Variants in ABCB1 observed in about 807,000 individuals in gnomAD.
ABCB1 encodes ATP binding cassette subfamily B member 1.
ABCB1 carries 69 observed loss-of-function variants against 142.0 expected under a neutral mutation model. The observed-to-expected ratio is 0.49, with a 90% CI of 0.40 to 0.59. The LOEUF (loss-of-function observed/expected upper bound fraction) is 0.59, where lower values mean the gene tolerates loss of function less well. Among genes scored for constraint, ABCB1 ranks in the 20% least tolerant of loss-of-function variants. ABCB1 has a pLI of 0.00. For missense variants in ABCB1, 1,326 were observed against 1,554.7 expected (o/e 0.85, Z 2.47); for synonymous variants, 532 against 539.2 (o/e 0.99, Z 0.18).
intron 21 of ABCB1, among the ~76,000 whole-genome samples, chr7:87,526,893 T>C (rs1170138609): frequency 6.6e-6 from 1 of 152,202 alleles, no homozygotes; most frequent in Non-Finnish European, 1.5e-5. Flanking sequence ...CTAAACCGGA[T>C]TGCATTTATA....
At chr7:87,504,956 T>C (rs981590906) in intron 27 of ABCB1, among the ~76,000 whole-genome samples, 1 of 152,046 alleles carries the variant, frequency 6.6e-6, no homozygotes, top group Non-Finnish European at 1.5e-5. Flanking sequence ...GCAGCAGTTA[T>C]CTATCCCTAA....
chr7:87,626,654 T>C (rs549557246), intron 1 of ABCB1, among the ~76,000 whole-genome samples: 1 of 15,856 alleles, frequency 6.3e-5, no homozygotes, highest in Non-Finnish European at 1.1e-4. Flanking sequence ...ATGTGTCATA[T>C]ATATGTGTCA....
chr7:87,703,071 A>G (rs1028416134), intron 1 of ABCB1, among the ~76,000 whole-genome samples: 4 of 152,210 alleles, frequency 2.6e-5, no homozygotes, highest in Non-Finnish European at 4.4e-5. Flanking sequence ...ACAGAATGAA[A>G]CATTAAGTAG....
intron 1 of ABCB1, among the ~76,000 whole-genome samples, chr7:87,622,255 C>G (rs1820250764): frequency 2.0e-5 from 3 of 152,016 alleles, no homozygotes. Context: ...ATAATGAAGA[C>G]TAATATTTTT....
chr7:87,643,250 A>C (rs1328758762), intron 1 of ABCB1, among the ~76,000 whole-genome samples: 2 of 152,008 alleles, frequency 1.3e-5, no homozygotes, highest in Non-Finnish European at 2.9e-5. Context: ...ACATTGCGTA[A>C]AATTTTTTGA....
chr7:87,546,350 A>G (rs999096155), intron 14 of ABCB1, among the ~76,000 whole-genome samples: 1 of 152,138 alleles, frequency 6.6e-6, no homozygotes, highest in South Asian at 2.1e-4. Flanking sequence ...GCACTTTGGG[A>G]GGCCAAGGTG....
intron 26 of ABCB1, among the ~76,000 whole-genome samples, chr7:87,506,686 T>C (rs1814766633): frequency 6.6e-6 from 1 of 152,208 alleles, no homozygotes; most frequent in South Asian, 2.1e-4. Flanking sequence ...CTATTCACTA[T>C]GATGATAGGG....
At chr7:87,527,829 T>C (rs1314554845) in intron 21 of ABCB1, among the ~76,000 whole-genome samples, 3 of 152,154 alleles carry the variant, frequency 2.0e-5, no homozygotes. Flanking sequence ...GTACAGTACA[T>C]ACTATGGTTT....
intron 1 of ABCB1, among the ~76,000 whole-genome samples, chr7:87,668,836 A>G (rs1446515104): frequency 6.6e-6 from 1 of 152,118 alleles, no homozygotes; most frequent in Non-Finnish European, 1.5e-5. Flanking sequence ...CTGTGATCCA[A>G]GAGTGTGTTT....
chr7:87,670,900 C>G (rs1316320783), intron 1 of ABCB1, among the ~76,000 whole-genome samples: 1 of 152,190 alleles, frequency 6.6e-6, no homozygotes, highest in Non-Finnish European at 1.5e-5. Context: ...GAGTTTCTCT[C>G]CCCCTTGAAT....
At chr7:87,564,659 T>C (rs910245072) in intron 7 of ABCB1, among the ~76,000 whole-genome samples, 1 of 152,222 alleles carries the variant, frequency 6.6e-6, no homozygotes, top group Non-Finnish European at 1.5e-5. Flanking sequence ...TTTTTTGATA[T>C]GATTGACATC....
At chr7:87,506,782 C>T (rs1481685942) in intron 26 of ABCB1, among the ~76,000 whole-genome samples, 1 of 152,160 alleles carries the variant, frequency 6.6e-6, no homozygotes, top group African/African-American at 2.4e-5. Context: ...CTTATTATTT[C>T]CAGGCTGAAA....
At chr7:87,567,064 C>T in intron 5 of ABCB1, 88 bp from the exon 6 acceptor site, 1 of 1,267,108 alleles carries the variant, frequency 7.9e-7, no homozygotes, top group Non-Finnish European at 1.1e-6. Flanking sequence ...TATTTTTTCA[C>T]TTATCTGGGT....
At chr7:87,521,150 G>A in intron 21 of ABCB1, 2 of 436,036 alleles carry the variant, frequency 4.6e-6, no homozygotes, top group South Asian at 4.9e-5. Flanking sequence ...AGCTTTACGT[G>A]GCTTCGCAAA....
chr7:87,527,445 A>G lies in ABCB1; in HGVS notation c.2685+3849T>C, dbSNP rs557298703. On this transcript the variant is annotated intron_variant, in intron 21 of 27. Transcript: ENST00000622132. Reference sequence around the variant, plus strand: ...TTTGTTTTCTTTTACAATGGTTCTTATGCTAGATTCATTTATCTTGAAATG... The same window carrying G: ...TTTGTTTTCTTTTACAATGGTTCTTGTGCTAGATTCATTTATCTTGAAATG... Among the ~76,000 whole-genome samples, 6 of 152,252 alleles carry G rather than the reference A, an allele frequency of 3.9e-5. No homozygotes were observed. In the South Asian group the frequency reaches 1.2e-3, roughly 32 times the overall value.
At chr7:87,605,911 AG>A (rs1487929295) in intron 1 of ABCB1, among the ~76,000 whole-genome samples, 1 of 152,190 alleles carries the variant, frequency 6.6e-6, no homozygotes, top group African/African-American at 2.4e-5. Flanking sequence ...TGAGAGTAAA[AG>A]TGATGACTGG....
chr7:87,530,933 G>T (rs149668915), intron 21 of ABCB1, among the ~76,000 whole-genome samples: 3 of 149,910 alleles, frequency 2.0e-5, no homozygotes, highest in South Asian at 2.1e-4. Flanking sequence ...AAGAAAAGAA[G>T]GAAAGAAGGA....
intron 14 of ABCB1, among the ~76,000 whole-genome samples, chr7:87,547,589 G>A (rs754134610): frequency 1.5e-4 from 23 of 151,810 alleles, no homozygotes; most frequent in Admixed American, 7.2e-4. Flanking sequence ...ATAGCTGGGG[G>A]CTGGGCACGG....
At chr7:87,559,202 T>C (rs1005819210) in intron 8 of ABCB1, among the ~76,000 whole-genome samples, 1 of 152,098 alleles carries the variant, frequency 6.6e-6, no homozygotes, top group African/African-American at 2.4e-5. Flanking sequence ...CAGACTTGTT[T>C]TGTGATTTCT....
Sources: allele counts gnomAD v4.1 joint callset (sites outside exome capture counted in the v4.1 genomes callset), GRCh38; gene constraint gnomAD v4.1.1; transcripts MANE v1.5; gene names NCBI Gene and HGNC (gene_info 2026-07-23, HGNC 2026-07-21).